COL21A1: variants seen among roughly 807,000 people sequenced by gnomAD.
COL21A1 encodes collagen type XXI alpha 1 chain.
COL21A1 carries 149 observed loss-of-function variants against 137.9 expected under a neutral mutation model. The observed-to-expected ratio is 1.08, with a 90% CI of 0.95 to 1.24. The LOEUF (loss-of-function observed/expected upper bound fraction) is 1.24. COL21A1 is among the 50% of genes most tolerant of loss of function. COL21A1 has a pLI of 0.00. For synonymous variants in COL21A1, 456 were observed against 391.5 expected, an observed-to-expected ratio of 1.16 and a Z score of -1.95; for missense variants, 1,167 against 1,158.4, an observed-to-expected ratio of 1.01 and a Z score of -0.11.
intron 1 of COL21A1, among the ~76,000 whole-genome samples, chr6:56,315,743 G>T (rs1056129561): frequency 1.3e-5 from 2 of 150,004 alleles, no homozygotes; most frequent in Admixed American, 1.3e-4. Context: ...CTTTGCAATT[G>T]CCTGAGTTAG....
At chr6:56,377,766 C>T (rs373539555) in intron 1 of COL21A1, among the ~76,000 whole-genome samples, 15 of 151,992 alleles carry the variant, frequency 9.9e-5, no homozygotes, top group African/African-American at 3.6e-4. Context: ...TGGAATCACC[C>T]TTCTCCTAAT....
intron 1 of COL21A1, among the ~76,000 whole-genome samples, chr6:56,186,372 T>TA (rs1399528988): frequency 2.6e-5 from 4 of 152,140 alleles, no homozygotes; most frequent in Admixed American, 1.3e-4. Flanking sequence ...ATGCTGTCTA[T>TA]AAAAAAATCG....
intron 27 of COL21A1, 27 bp from the exon 28 acceptor site, chr6:56,060,245 C>T (rs1765682233): frequency 6.5e-7 from 1 of 1,538,682 alleles, no homozygotes; most frequent in East Asian, 2.4e-5. Context: ...AACCCCATCC[C>T]TTATGTTTAA....
At chr6:56,136,824 A>G (rs1221438632) in intron 12 of COL21A1, among the ~76,000 whole-genome samples, 2 of 152,124 alleles carry the variant, frequency 1.3e-5, no homozygotes, top group East Asian at 1.9e-4. Context: ...ATGACCTATG[A>G]TCTACAATGA....
chr6:56,136,633 T>G (rs932023559), intron 12 of COL21A1, among the ~76,000 whole-genome samples: 4 of 152,164 alleles, frequency 2.6e-5, no homozygotes, highest in African/African-American at 4.8e-5. Context: ...AGATTATTTT[T>G]GGGGCTAGTA....
chr6:56,327,433 A>T (rs1765121763), intron 1 of COL21A1, among the ~76,000 whole-genome samples: 1 of 152,106 alleles, frequency 6.6e-6, no homozygotes, highest in East Asian at 1.9e-4. Context: ...GTGAATTTTG[A>T]CAGCAGAATA....
intron 10 of COL21A1, among the ~76,000 whole-genome samples, chr6:56,145,377 A>G (rs1423601966): frequency 6.6e-6 from 1 of 152,204 alleles, no homozygotes; most frequent in African/African-American, 2.4e-5. Context: ...AGCTACAGGA[A>G]ACATGGTTAG....
At chr6:56,082,164 G>A (rs1767837413) in intron 17 of COL21A1, among the ~76,000 whole-genome samples, 1 of 151,886 alleles carries the variant, frequency 6.6e-6, no homozygotes, top group South Asian at 2.1e-4. Context: ...ACTCAGACAA[G>A]GACGAAGACT....
At chr6:56,105,636 T>C (rs12194997) in intron 16 of COL21A1, among the ~76,000 whole-genome samples, 23,115 of 152,158 alleles carry the variant, frequency 0.15, 1,788 homozygotes, top group Middle Eastern at 0.22. Flanking sequence ...AGAATTTTCA[T>C]TGGTTGTTGT....
intron 1 of COL21A1, among the ~76,000 whole-genome samples, chr6:56,329,821 CAT>C (rs1469125890): frequency 1.3e-5 from 2 of 152,086 alleles, no homozygotes; most frequent in Non-Finnish European, 2.9e-5. Context: ...TGATTCTTAG[CAT>C]AGTCTAGACC....
chr6:56,380,228 A>G lies in COL21A1; in HGVS notation c.-39+13743T>C, dbSNP rs564567548. Among the ~76,000 whole-genome samples, 6 of 152,242 alleles carry G rather than the reference A, an allele frequency of 3.9e-5. No individual in the cohort carries two copies. The East Asian group carries it at 1.2e-3, about 29-fold the overall frequency. On this transcript the variant is annotated intron_variant, in intron 1 of 28. Transcript: ENST00000370819. ...CACAGCAGCTCCCCTTTCTTTCCAC[A>G]TGACTATAAGCTTCCTTAGGCCTCA...
intron 1 of COL21A1, among the ~76,000 whole-genome samples, chr6:56,357,540 G>A (rs1765862566): frequency 6.6e-6 from 1 of 152,160 alleles, no homozygotes; most frequent in Admixed American, 6.6e-5. Flanking sequence ...AAATAAAGAT[G>A]AATTCCATAA....
chr6:56,373,687 T>C (rs1254817744), intron 1 of COL21A1, among the ~76,000 whole-genome samples: 4 of 152,238 alleles, frequency 2.6e-5, no homozygotes, highest in African/African-American at 9.6e-5. Flanking sequence ...TATGTATACA[T>C]AGTGGAATGA....
intron 12 of COL21A1, among the ~76,000 whole-genome samples, chr6:56,128,488 C>T (rs1253249668): frequency 6.6e-6 from 1 of 152,142 alleles, no homozygotes; most frequent in Non-Finnish European, 1.5e-5. Context: ...TGTGGTCTGG[C>T]TGTGCCATTT....
intron 10 of COL21A1, among the ~76,000 whole-genome samples, chr6:56,156,518 G>A (rs143560547): frequency 2.8e-4 from 42 of 152,298 alleles, no homozygotes; most frequent in African/African-American, 9.6e-4. Flanking sequence ...CATCAAGGAA[G>A]ATAGTGTCCC....
intron 9 of COL21A1, among the ~76,000 whole-genome samples, chr6:56,159,997 T>C (rs1776074924): frequency 6.6e-6 from 1 of 152,228 alleles, no homozygotes; most frequent in African/African-American, 2.4e-5. Context: ...TTTATGACAC[T>C]GGTCAACAGC....
intron 20 of COL21A1, among the ~76,000 whole-genome samples, chr6:56,073,304 C>A (rs1006961989): frequency 7.9e-5 from 12 of 151,454 alleles, no homozygotes; most frequent in Non-Finnish European, 1.8e-4. Flanking sequence ...GTACCTATAG[C>A]TGCTGGAGCC....
In COL21A1 at chr6:56,103,275, A is replaced by G. The variant is rs575677379; in HGVS notation, c.1759-1750T>C. ...TAATTCTTCCAGGTGATTCTAATGC[A>G]GCCATTTGAGAACCAGCCCTGCTAT... On this transcript the variant is annotated intron_variant, in intron 16 of 29. Coordinates refer to ENST00000244728, the MANE Select transcript of COL21A1 (RefSeq NM_030820.4). Among the ~76,000 whole-genome samples the G allele has an allele frequency of 2.1e-4, 32 of 152,288 alleles. 1 individual carries two copies. The highest frequency in any genetic ancestry group is 6.7e-4 in the African/African-American group (28 of 41,572).
At chr6:56,230,363 A>G (rs7741903) in intron 1 of COL21A1, among the ~76,000 whole-genome samples, 86,267 of 151,706 alleles carry the variant, frequency 0.57, 24,755 homozygotes, top group East Asian at 0.77. Context: ...AGCAAACTCA[A>G]TGTTTAGCAT....
Sources: gnomAD v4.1 joint callset for allele counts (sites outside exome capture counted in the v4.1 genomes callset) on GRCh38, gnomAD v4.1.1 for gene constraint, MANE v1.5 for transcripts, NCBI Gene and HGNC (gene_info 2026-07-23, HGNC 2026-07-21) for gene names.